Variants in HIPK3 observed in about 807,000 individuals in gnomAD.
HIPK3 encodes homeodomain interacting protein kinase 3.
Under a neutral mutation model 124.2 loss-of-function variants are expected in HIPK3, and 47 were observed. The observed-to-expected ratio is 0.38, with a 90% CI of 0.30 to 0.48. The LOEUF is 0.48. Among genes scored for constraint, HIPK3 ranks in the 20% least tolerant of loss-of-function variants. HIPK3 has a pLI of 0.98. For missense variants in HIPK3, 1,286 were observed against 1,454.3 expected, an observed-to-expected ratio of 0.88 and a Z score of 1.88; for synonymous variants, 482 against 515.2, an observed-to-expected ratio of 0.94 and a Z score of 0.87.
chr11:33,356,470 C>G lies in HIPK3; in HGVS notation c.*2902C>G, dbSNP rs972082595. 6.6e-6 allele frequency: 1 copy of G among 151,522 alleles called. No individual in the cohort carries two copies. Among genetic ancestry groups the G allele is most frequent in the South Asian group, 2.1e-4 (1 of 4,816 alleles). 9.4% of individuals were successfully genotyped at this position (151,522 alleles called of 1,614,324 possible). ...CATATTTGCATACTATTTTAATTTG[C>G]AAAATGTTTTTTAAATCAAATATCC... is the stretch of plus-strand genomic sequence containing the variant. On this transcript the variant is annotated 3_prime_UTR_variant, in exon 17 of 17. Coordinates refer to ENST00000303296, the MANE Select transcript of HIPK3 (RefSeq NM_005734.5).
chr11:33,339,420 G>C lies in HIPK3; in HGVS notation c.1499G>C (p.Ser500Thr). The change falls in exon 6 of 17, where the codon AGT becomes ACT. Residue 500 changes from serine (S) to threonine (T), a missense_variant. Physicochemically the swap from Ser to Thr is moderately conservative, Grantham distance 58. Around this residue, in one of 3 missense-constraint regions of HIPK3, gnomAD observed 810 missense variants for 864.9 expected, o/e 0.94. Transcript: ENST00000303296. ...AAAGCTGATAGAAGAGAATTTGTTA[G>C]TCTGTTGAAGAAAATGTTGCTGATT... The part of the protein sequence containing the change: ...AEKADRREFV[S>T]LLKKMLLIDA... The C allele has an allele frequency of 6.2e-7, 1 of 1,613,526 alleles. No individual in the cohort carries two copies. Among genetic ancestry groups the C allele is most frequent in the Non-Finnish European group, 8.5e-7 (1 of 1,179,588 alleles).
intron 6 of HIPK3, among the ~76,000 whole-genome samples, chr11:33,340,120 G>A (rs1853285786): frequency 6.6e-6 from 1 of 152,144 alleles, no homozygotes; most frequent in Admixed American, 6.5e-5. Flanking sequence ...TCTGTCAGTT[G>A]CCCAGGCTGG....
At chr11:33,301,373 T>G (rs1242789715) in intron 2 of HIPK3, among the ~76,000 whole-genome samples, 1 of 152,216 alleles carries the variant, frequency 6.6e-6, no homozygotes, top group Non-Finnish European at 1.5e-5. Flanking sequence ...AGTGTGATTA[T>G]GTTATTATTT....
chr11:33,291,719 ATTTCTT>A (rs779261541), intron 2 of HIPK3, among the ~76,000 whole-genome samples: 58 of 152,178 alleles, frequency 3.8e-4, no homozygotes, highest in African/African-American at 2.9e-4. Flanking sequence ...TAGGTCATGA[ATTTCTT>A]TTTCTTTTTC....
chr11:33,270,465 C>T (rs1296263456), intron 1 of HIPK3, among the ~76,000 whole-genome samples: 2 of 151,924 alleles, frequency 1.3e-5, no homozygotes, highest in East Asian at 1.9e-4. Context: ...CCTGCCACCA[C>T]GCCCGGCTAA....
Position 33,257,460 on chromosome 11 carries a change from A to T in HIPK3, c.-432A>T. ...AGCCGCAGGCCCCGCCGTCGCCACC[A>T]CTCCCGCCAGTCTTCCTTCTCCGCT... On this transcript the variant is annotated 5_prime_UTR_variant, in exon 1 of 17. Coordinates refer to ENST00000303296, the MANE Select transcript of HIPK3 (RefSeq NM_005734.5). 3 of 985,298 alleles carry T rather than the reference A, an allele frequency of 3.0e-6. No homozygotes were observed. Among genetic ancestry groups the T allele is most frequent in the Non-Finnish European group, 3.6e-6 (3 of 830,130 alleles). 61.0% of individuals were successfully genotyped at this position (985,298 alleles called of 1,614,324 possible). A position where few individuals can be genotyped will look rare whatever the true frequency, so the allele number is the denominator to read the frequency against.
At chr11:33,307,309 A>G (rs879542988) in intron 2 of HIPK3, among the ~76,000 whole-genome samples, 1 of 152,108 alleles carries the variant, frequency 6.6e-6, no homozygotes, top group Non-Finnish European at 1.5e-5. Flanking sequence ...AATAGTATGT[A>G]AACAGCATGG....
At chr11:33,278,464 C>A (rs1420631906) in intron 1 of HIPK3, among the ~76,000 whole-genome samples, 1 of 152,098 alleles carries the variant, frequency 6.6e-6, no homozygotes, top group Non-Finnish European at 1.5e-5. Context: ...TGAGAAATAA[C>A]TGGATCCATG....
chr11:33,282,496 A>C (rs1304853226), intron 1 of HIPK3, among the ~76,000 whole-genome samples: 1 of 152,186 alleles, frequency 6.6e-6, no homozygotes, highest in African/African-American at 2.4e-5. Context: ...AGCTTGGCCA[A>C]CATGACAAAA....
At chr11:33,273,685 G>A (rs1851200003) in intron 1 of HIPK3, among the ~76,000 whole-genome samples, 1 of 151,976 alleles carries the variant, frequency 6.6e-6, no homozygotes, top group Admixed American at 6.6e-5. Context: ...AGGCATATTA[G>A]GACCCTATAG....
At chr11:33,280,521 A>G (rs1435301175) in intron 1 of HIPK3, among the ~76,000 whole-genome samples, 4 of 152,276 alleles carry the variant, frequency 2.6e-5, no homozygotes, top group Admixed American at 6.5e-5. Context: ...ACCACCACCT[A>G]TGCCTTCTGA....
intron 7 of HIPK3, 115 bp from the exon 8 acceptor site, chr11:33,341,445 TTTC>T: frequency 9.2e-7 from 1 of 1,089,400 alleles, no homozygotes. Context: ...TTGTTCTCAT[TTTC>T]TGGACACATT....
At chr11:33,271,793 G>A (rs1428588703) in intron 1 of HIPK3, among the ~76,000 whole-genome samples, 1 of 151,888 alleles carries the variant, frequency 6.6e-6, no homozygotes, top group Non-Finnish European at 1.5e-5. Context: ...CATTGATGGT[G>A]TATTTAAAAA....
At chr11:33,314,826 C>T (rs1358085514) in intron 2 of HIPK3, among the ~76,000 whole-genome samples, 1 of 152,162 alleles carries the variant, frequency 6.6e-6, no homozygotes, top group Non-Finnish European at 1.5e-5. Context: ...TTATGAGCCT[C>T]TGTTGGTGTT....
In HIPK3 at chr11:33,287,027, C is replaced by G; in HGVS notation, c.613C>G (p.Arg205Gly). ...NTYEVLDFLGRGTFGQVVKCW... is the reference protein window; with the variant it reads ...NTYEVLDFLGGGTFGQVVKCW... ...TTACGAAGTCCTTGATTTTCTTGGT[C>G]GAGGCACGTTTGGCCAGGTAGTTAA... Residue 205 changes from arginine to glycine, a missense_variant, in exon 2 of 17, where the codon CGA (arginine) becomes GGA (glycine). Coordinates refer to ENST00000303296, the MANE Select transcript of HIPK3 (RefSeq NM_005734.5). The G allele has an allele frequency of 6.2e-7, 1 of 1,613,990 alleles. No individual in the cohort carries two copies. Among genetic ancestry groups the G allele is most frequent in the Non-Finnish European group, 8.5e-7 (1 of 1,180,012 alleles).
intron 2 of HIPK3, among the ~76,000 whole-genome samples, chr11:33,301,064 C>A (rs1275909361): frequency 6.6e-6 from 1 of 152,116 alleles, no homozygotes; most frequent in Non-Finnish European, 1.5e-5. Flanking sequence ...TAAATTCATG[C>A]TGATATGTCC....
chr11:33,311,909 C>CCA (rs1852355090), intron 2 of HIPK3, among the ~76,000 whole-genome samples: 1 of 22,202 alleles, frequency 4.5e-5, no homozygotes, highest in Non-Finnish European at 9.9e-5. Flanking sequence ...GACCCTGTTT[C>CCA]TACACACACA....
chr11:33,284,295 A>G (rs1851490339), intron 1 of HIPK3, among the ~76,000 whole-genome samples: 1 of 152,214 alleles, frequency 6.6e-6, no homozygotes, highest in Non-Finnish European at 1.5e-5. Context: ...CTTTAGATCT[A>G]GTGTGAAAGA....
chr11:33,327,672 T>A lies in HIPK3; in HGVS notation c.1098-838T>A, dbSNP rs74382063. Among the ~76,000 whole-genome samples, 4 of 152,106 alleles carry A rather than the reference T, an allele frequency of 2.6e-5. No homozygotes were observed. The East Asian group carries it at 7.7e-4, about 29-fold the overall frequency. ...ATTTGGCAAGTTATTCTCGGGTGAT[T>A]TAAGGAAAAAATATGTACTGTTCTT... On this transcript the variant is annotated intron_variant, in intron 2 of 16. Coordinates refer to ENST00000303296, the MANE Select transcript of HIPK3 (RefSeq NM_005734.5).
Sources: gnomAD v4.1 joint callset for allele counts (sites outside exome capture counted in the v4.1 genomes callset) on GRCh38, gnomAD v4.1.1 for gene constraint, gnomAD v4.1.1 regional missense constraint, MANE v1.5 for transcripts, NCBI Gene and HGNC (gene_info 2026-07-23, HGNC 2026-07-21) for gene names.